Variants in CRIM1 observed in about 807,000 individuals in gnomAD.
The protein encoded by CRIM1 is cysteine-rich motor neuron 1 protein.
Under a neutral mutation model 116.4 loss-of-function variants are expected in CRIM1, and 32 were observed. That is an observed-to-expected ratio of 0.27 (90% CI 0.21 to 0.37). CRIM1 has a LOEUF of 0.37. Ranked by LOEUF, CRIM1 falls within the 10% of genes least tolerant of loss-of-function variation. The pLI is 1.00. For synonymous variants in CRIM1, 590 were observed against 509.2 expected, an observed-to-expected ratio of 1.16 and a Z score of -2.13; for missense variants, 1,331 against 1,354.8, an observed-to-expected ratio of 0.98 and a Z score of 0.28.
Position 36,363,941 on chromosome 2 carries a change from C to G in CRIM1, c.331+7318C>G, listed in dbSNP as rs530374196. ...ATTATCCATTCCTCTTGTTCTTTTT[C>G]TAGCTCTACCTGTTCTTCTGCCATT... On this transcript the variant is annotated intron_variant, in intron 1 of 16. Coordinates refer to ENST00000280527, the MANE Select transcript of CRIM1 (RefSeq NM_016441.3). Among the ~76,000 whole-genome samples the G allele has an allele frequency of 6.6e-5, 10 of 152,288 alleles. No homozygotes were observed. In the East Asian group the frequency reaches 1.9e-3, roughly 29 times the overall value.
At chr2:36,489,924 A>G (rs531649927) in intron 7 of CRIM1, among the ~76,000 whole-genome samples, 1 of 152,328 alleles carries the variant, frequency 6.6e-6, no homozygotes, top group East Asian at 1.9e-4. Context: ...ATGTAGAACA[A>G]TGATATCAGA....
At chr2:36,484,876 G>A (rs1028214598) in intron 7 of CRIM1, among the ~76,000 whole-genome samples, 2 of 152,156 alleles carry the variant, frequency 1.3e-5, no homozygotes, top group African/African-American at 2.4e-5. Context: ...TAGCGGTTGG[G>A]CAAATGGGTA....
chr2:36,457,765 A>G (rs1425661821), intron 4 of CRIM1, among the ~76,000 whole-genome samples: 1 of 152,176 alleles, frequency 6.6e-6, no homozygotes, highest in African/African-American at 2.4e-5. Flanking sequence ...TTAAAAAAAA[A>G]AAAACTTACA....
chr2:36,388,083 C>T (rs1052704388), intron 1 of CRIM1, among the ~76,000 whole-genome samples: 5 of 151,774 alleles, frequency 3.3e-5, no homozygotes, highest in Non-Finnish European at 7.4e-5. Context: ...TTGGTAAGTT[C>T]CCTATAAACC....
intron 4 of CRIM1, among the ~76,000 whole-genome samples, chr2:36,455,368 A>C (rs1677055818): frequency 6.6e-6 from 1 of 152,194 alleles, no homozygotes. Context: ...GCTTTTCATC[A>C]GTTCGTTTAA....
intron 2 of CRIM1, among the ~76,000 whole-genome samples, chr2:36,401,790 T>C (rs532505633): frequency 2.0e-5 from 3 of 152,226 alleles, no homozygotes; most frequent in Non-Finnish European, 2.9e-5. Context: ...TGGTGAAGAA[T>C]ATAAAACACC....
chr2:36,429,268 A>C (rs904210936), intron 2 of CRIM1, among the ~76,000 whole-genome samples: 2 of 152,332 alleles, frequency 1.3e-5, no homozygotes, highest in Non-Finnish European at 2.9e-5. Flanking sequence ...TTGTGGAATC[A>C]TGATGTCCCG....
rs75983362 is a variant in CRIM1 at position 36,510,455 on chromosome 2, T to C, written c.1658+316T>C. ...GAGATGGAATTGTGAGGTCCCAGTG[T>C]TGGAAGTGCTACAACTCTTCACACC... On this transcript the variant is annotated intron_variant, in intron 9 of 16. Coordinates refer to ENST00000280527, the MANE Select transcript of CRIM1 (RefSeq NM_016441.3). Among the ~76,000 whole-genome samples the C allele has an allele frequency of 8.7e-3, 1,330 of 152,278 alleles. 20 individuals carry two copies. The highest frequency in any genetic ancestry group is 0.031 in the African/African-American group (1,279 of 41,530).
intron 13 of CRIM1, among the ~76,000 whole-genome samples, chr2:36,535,129 G>A (rs1666445158): frequency 8.2e-6 from 1 of 121,710 alleles, no homozygotes; most frequent in African/African-American, 3.2e-5. Flanking sequence ...GGGAGGGAGG[G>A]AGGGAAGGGG....
chr2:36,495,467 A>ATTTT (rs1296735675), intron 7 of CRIM1, among the ~76,000 whole-genome samples: 1 of 134,078 alleles, frequency 7.5e-6, no homozygotes, highest in Non-Finnish European at 1.6e-5. Context: ...CTCTTTATTT[A>ATTTT]TTTATTTATT....
chr2:36,548,617 A>C lies in CRIM1; in HGVS notation c.3027A>C (p.Ala1009=), dbSNP rs764789015. 6.2e-6 allele frequency: 10 copies of C among 1,612,920 alleles called. No homozygotes were observed. In the African/African-American group the frequency reaches 1.1e-4, roughly 17 times the overall value. ...VDSSQRMLRI[A]EPDARFSGFY... Reference sequence around the variant, plus strand: ...GTTCCCAGAGAATGCTAAGAATTGCAGAACCAGATGCAAGATTCAGTGGCT... The same window carrying C: ...GTTCCCAGAGAATGCTAAGAATTGCCGAACCAGATGCAAGATTCAGTGGCT... The change falls in exon 17 of 17, where the codon GCA becomes GCC. Residue 1009 remains alanine, a synonymous_variant. Coordinates refer to ENST00000280527, the MANE Select transcript of CRIM1 (RefSeq NM_016441.3).
chr2:36,415,623 G>A (rs1673555023), intron 2 of CRIM1, among the ~76,000 whole-genome samples: 1 of 151,968 alleles, frequency 6.6e-6, no homozygotes, highest in African/African-American at 2.4e-5. Context: ...CATGATTATC[G>A]TCACACTAGA....
At chr2:36,451,635 G>A (rs991252906) in intron 4 of CRIM1, among the ~76,000 whole-genome samples, 3 of 152,202 alleles carry the variant, frequency 2.0e-5, no homozygotes, top group Non-Finnish European at 2.9e-5. Context: ...TTATCCTTCC[G>A]TGGTAGAGCT....
intron 4 of CRIM1, among the ~76,000 whole-genome samples, chr2:36,455,384 A>G (rs180722802): frequency 2.0e-5 from 3 of 152,228 alleles, no homozygotes; most frequent in African/African-American, 7.2e-5. Context: ...TTTAATCCAC[A>G]TAGCAGTCAT....
chr2:36,471,449 C>T (rs566378491), intron 5 of CRIM1, among the ~76,000 whole-genome samples: 89 of 152,294 alleles, frequency 5.8e-4, no homozygotes, highest in Non-Finnish European at 1.1e-3. Flanking sequence ...CAACCACCAT[C>T]CTTATCAGTC....
At position 36,513,706 on chromosome 2, in the gene CRIM1, C is replaced by T. The variant is rs772483376; in HGVS notation, c.1931C>T (p.Pro644Leu). The change falls in exon 11 of 17, where the codon CCG becomes CTG. Residue 644 changes from proline to leucine, a missense_variant. Transcript: ENST00000280527. Reference protein sequence around the residue: ...GREMCALITCPVPACGNPTIH... With the variant: ...GREMCALITCLVPACGNPTIH... Reference sequence around the variant, plus strand: ...GAAATGTGTGCCCTGATCACCTGCCCGGTGCCTGCCTGTGGCAACCCCACC... The same window carrying T: ...GAAATGTGTGCCCTGATCACCTGCCTGGTGCCTGCCTGTGGCAACCCCACC... 1.1e-5 allele frequency: 17 copies of T among 1,614,062 alleles called. No individual in the cohort carries two copies. The highest frequency in any genetic ancestry group is 4.0e-5 in the African/African-American group (3 of 74,924).
In CRIM1 at chr2:36,474,476, A is replaced by G. The variant is rs546479893; in HGVS notation, c.992-2413A>G. Among the ~76,000 whole-genome samples, 14 of 152,290 alleles carry G rather than the reference A, an allele frequency of 9.2e-5. No individual in the cohort carries two copies. In the South Asian group the frequency reaches 2.5e-3, roughly 27 times the overall value. Reference sequence around the variant, plus strand: ...GCTGTTGTATTTAGATCATAACTCTATGATTCATTTTGAGTTAATTTTTGT... The same window carrying G: ...GCTGTTGTATTTAGATCATAACTCTGTGATTCATTTTGAGTTAATTTTTGT... On this transcript the variant is annotated intron_variant, in intron 5 of 16. Transcript: ENST00000280527.
intron 7 of CRIM1, among the ~76,000 whole-genome samples, chr2:36,498,487 G>GTAA (rs1680758166): frequency 6.6e-6 from 1 of 152,210 alleles, no homozygotes; most frequent in Non-Finnish European, 1.5e-5. Flanking sequence ...TATGCTTTAT[G>GTAA]TAAGTATATG....
chr2:36,540,768 G>A (rs1366933173), intron 14 of CRIM1, among the ~76,000 whole-genome samples: 1 of 152,204 alleles, frequency 6.6e-6, no homozygotes, highest in Admixed American at 6.5e-5. Flanking sequence ...AGAGAGACCA[G>A]AGGCCAGGAC....
Sources: gnomAD v4.1 joint callset for allele counts (sites outside exome capture counted in the v4.1 genomes callset) on GRCh38, gnomAD v4.1.1 for gene constraint, MANE v1.5 for transcripts, NCBI Gene and HGNC (gene_info 2026-07-23, HGNC 2026-07-21) for gene names.